DLGAP2: variants seen among roughly 807,000 people sequenced by gnomAD.
DLGAP2 encodes DLG associated protein 2.
A neutral mutation model predicts 100.3 loss-of-function variants in DLGAP2; 26 were observed. The observed-to-expected ratio is 0.26, with a 90% confidence interval of 0.19 to 0.36. DLGAP2 has a LOEUF of 0.36. Among genes scored for constraint, DLGAP2 ranks in the 10% least tolerant of loss-of-function variants. The pLI is 1.00. For missense variants in DLGAP2, 1,858 were observed against 1,453.2 expected (o/e 1.28, Z -4.53); for synonymous variants, 886 against 630.1 (o/e 1.41, Z -6.08).
chr8:833,260 G>A (rs552155209), intron 1 of DLGAP2, among the ~76,000 whole-genome samples: 1 of 152,322 alleles, frequency 6.6e-6, no homozygotes, highest in Admixed American at 6.5e-5. Flanking sequence ...CCCATTTCCT[G>A]AGAGAATTCA....
chr8:1,578,706 G>A (rs753402634), intron 6 of DLGAP2, among the ~76,000 whole-genome samples: 2 of 152,120 alleles, frequency 1.3e-5, no homozygotes, highest in African/African-American at 2.4e-5. Flanking sequence ...ATATATAAGC[G>A]TTTTCACTTA....
intron 3 of DLGAP2, among the ~76,000 whole-genome samples, chr8:1,430,615 C>G (rs1282063037): frequency 6.6e-6 from 1 of 152,238 alleles, no homozygotes; most frequent in Non-Finnish European, 1.5e-5. Flanking sequence ...GGATCTCACA[C>G]AGTTGCCTAT....
intron 2 of DLGAP2, among the ~76,000 whole-genome samples, chr8:1,166,585 TG>T (rs1274483152): frequency 1.3e-5 from 2 of 152,146 alleles, no homozygotes; most frequent in Non-Finnish European, 2.9e-5. Flanking sequence ...AGGTTAATGG[TG>T]TTTATTTCTC....
chr8:1,058,103 G>C (rs11779746), intron 2 of DLGAP2, among the ~76,000 whole-genome samples: 1 of 152,114 alleles, frequency 6.6e-6, no homozygotes, highest in African/African-American at 2.4e-5. Flanking sequence ...TGAGGATCAC[G>C]TGGGGTTGCA....
chr8:1,165,303 G>C (rs1345942488), intron 2 of DLGAP2, among the ~76,000 whole-genome samples: 1 of 151,744 alleles, frequency 6.6e-6, no homozygotes, highest in Non-Finnish European at 1.5e-5. Flanking sequence ...GAGACAGGGA[G>C]AGAGAGAGAG....
rs144337841 is a variant in DLGAP2 at position 1,689,815 on chromosome 8, T to G, written c.2705-1720T>G. 2.7e-3 allele frequency among the ~76,000 whole-genome samples: 408 copies of G among 152,286 alleles called. 3 individuals are homozygous for G. The highest frequency in any genetic ancestry group is 9.1e-3 in the African/African-American group (378 of 41,570). ...CGTAGATCATCTGCCCCCTGCCTGG[T>G]GGGCAGCCCTGGCCCCACGTGCTGA... On this transcript the variant is annotated intron_variant, in intron 12 of 14. Transcript: ENST00000637795.
At chr8:1,487,204 A>G (rs1473510668) in intron 3 of DLGAP2, among the ~76,000 whole-genome samples, 1 of 152,260 alleles carries the variant, frequency 6.6e-6, no homozygotes, top group Non-Finnish European at 1.5e-5. Flanking sequence ...CGTGAATAAT[A>G]GGAAACCAGT....
intron 2 of DLGAP2, among the ~76,000 whole-genome samples, chr8:993,688 C>T (rs1190473658): frequency 6.6e-6 from 1 of 151,476 alleles, no homozygotes; most frequent in African/African-American, 2.4e-5. Context: ...GACGTCAGTA[C>T]ACTCGTGCCT....
chr8:828,273 CTG>C (rs1365826618), intron 1 of DLGAP2, among the ~76,000 whole-genome samples: 1 of 152,146 alleles, frequency 6.6e-6, no homozygotes, highest in Non-Finnish European at 1.5e-5. Context: ...CTATGGGAGA[CTG>C]GAGTTTATTT....
Position 1,015,343 on chromosome 8 carries a change from G to GTA in DLGAP2, c.73+107378_73+107379insAT, listed in dbSNP as rs1292445988. ...AGGACAGACGACGCCTCCACTGTGT[G>GTA]TGACCAGGACAGACGATGCCTCCAC... On this transcript the variant is annotated intron_variant, in intron 2 of 14. Coordinates refer to ENST00000637795, the MANE Select transcript of DLGAP2 (RefSeq NM_001346810.2). Among the ~76,000 whole-genome samples, 2 of 1,378 alleles carry GTA rather than the reference G, an allele frequency of 1.5e-3. 1 individual carries two copies. The highest frequency in any genetic ancestry group is 0.014 in the African/African-American group (2 of 140). 0.9% of individuals were successfully genotyped at this position (1,378 alleles called of 152,430 possible).
At chr8:839,562 G>A (rs909610805) in intron 1 of DLGAP2, among the ~76,000 whole-genome samples, 5 of 152,110 alleles carry the variant, frequency 3.3e-5, no homozygotes, top group Non-Finnish European at 7.3e-5. Context: ...TGGTTCCCAG[G>A]CCTGGTCTTA....
At chr8:833,119 A>C (rs1318597257) in intron 1 of DLGAP2, among the ~76,000 whole-genome samples, 1 of 152,176 alleles carries the variant, frequency 6.6e-6, no homozygotes, top group African/African-American at 2.4e-5. Context: ...TGCTGTGTTC[A>C]CAGTGTTTCT....
At chr8:874,912 A>G (rs1435191237) in intron 1 of DLGAP2, among the ~76,000 whole-genome samples, 1 of 152,164 alleles carries the variant, frequency 6.6e-6, no homozygotes, top group Non-Finnish European at 1.5e-5. Flanking sequence ...GTGTGTATAT[A>G]TGTATGTCTA....
In DLGAP2 at chr8:1,501,498, C is replaced by A. The variant is rs557672904; in HGVS notation, c.172+67C>A. ...AGAACCGGGCATGCTCCGGGCACCT[C>A]CCATCATGCGGACCGTCCCACAAAC... On this transcript the variant is annotated intron_variant, in intron 4 of 14. Transcript: ENST00000637795. The A allele has an allele frequency of 1.0e-5, 15 of 1,462,474 alleles. No individual in the cohort carries two copies. The African/African-American group carries it at 1.7e-4, about 16-fold the overall frequency. The allele number at this position is 1,462,474 out of a possible 1,614,324, so 90.6% of individuals were successfully genotyped here.
At chr8:993,787 CTTTTTTTT>C (rs534659471) in intron 2 of DLGAP2, among the ~76,000 whole-genome samples, 15 of 64,162 alleles carry the variant, frequency 2.3e-4, no homozygotes, top group East Asian at 8.2e-4. Flanking sequence ...AACTGATTGG[CTTTTTTTT>C]TTTTTTTTTT....
chr8:1,046,949 A>G (rs1175576187), intron 2 of DLGAP2, among the ~76,000 whole-genome samples: 1 of 81,880 alleles, frequency 1.2e-5, no homozygotes, highest in East Asian at 2.4e-4. Context: ...TTGTTGTTTT[A>G]TTAAAATAAT....
At chr8:1,027,269 C>T (rs892741391) in intron 2 of DLGAP2, among the ~76,000 whole-genome samples, 14 of 152,360 alleles carry the variant, frequency 9.2e-5, no homozygotes, top group African/African-American at 2.4e-4. Flanking sequence ...ATTAGTTACA[C>T]GCCCGTGGTG....
chr8:1,624,490 C>A (rs188142756), intron 6 of DLGAP2, among the ~76,000 whole-genome samples: 2 of 152,000 alleles, frequency 1.3e-5, no homozygotes, highest in Non-Finnish European at 2.9e-5. Context: ...GCAGTGGTCT[C>A]TTACAGAATG....
Position 1,253,091 on chromosome 8 carries a change from C to A in DLGAP2, c.74-5760C>A, listed in dbSNP as rs1458845199. On this transcript the variant is annotated intron_variant, in intron 2 of 14. Transcript: ENST00000637795. ...AAATGCCGCCCACGCCCGGGCCTGT[C>A]CCCGCGTGGCTTCCTGTAGAAGGAG... 2.0e-5 allele frequency among the ~76,000 whole-genome samples: 3 copies of A among 152,316 alleles called. No homozygotes were observed. The East Asian group carries it at 5.8e-4, about 29-fold the overall frequency.
Sources: gnomAD v4.1 joint callset for allele counts (sites outside exome capture counted in the v4.1 genomes callset) on GRCh38, gnomAD v4.1.1 for gene constraint, MANE v1.5 for transcripts, NCBI Gene and HGNC (gene_info 2026-07-23, HGNC 2026-07-21) for gene names.